The following LIPH variants were observed in gnomAD, a reference collection of about 807,000 sequenced individuals.
LIPH encodes lipase H.
Under a neutral mutation model 47.6 loss-of-function variants are expected in LIPH, and 32 were observed. That is an observed-to-expected ratio of 0.67 (90% CI 0.51 to 0.90). The LOEUF (loss-of-function observed/expected upper bound fraction) is 0.90. LIPH is among the 40% of genes least tolerant of loss of function. The pLI is 0.00. For synonymous variants in LIPH, 190 were observed against 195.6 expected (o/e 0.97, Z 0.24); for missense variants, 497 against 541.4 (o/e 0.92, Z 0.81).
intron 6 of LIPH, 39 bp from the exon 7 acceptor site, chr3:185,517,201 A>G (rs758003889): frequency 9.0e-7 from 1 of 1,112,028 alleles, no homozygotes; most frequent in Non-Finnish European, 1.4e-6. Flanking sequence ...ATTAATATGT[A>G]TTATACAAAC....
At chr3:185,511,762 G>T in intron 8 of LIPH, 65 bp from the exon 9 acceptor site, 2 of 1,140,204 alleles carry the variant, frequency 1.8e-6, no homozygotes, top group Non-Finnish European at 2.7e-6. Context: ...CAGTTTTGAA[G>T]CCTGCAAGTC....
At chr3:185,539,761 A>G (rs1451034070) in intron 1 of LIPH, among the ~76,000 whole-genome samples, 2 of 152,242 alleles carry the variant, frequency 1.3e-5, no homozygotes, top group Admixed American at 1.3e-4. Flanking sequence ...GAGTATATCT[A>G]TTAACATTTA....
At chr3:185,510,580 A>G (rs1032684575) in intron 9 of LIPH, among the ~76,000 whole-genome samples, 2 of 152,210 alleles carry the variant, frequency 1.3e-5, no homozygotes, top group African/African-American at 4.8e-5. Context: ...AAGAAATTCA[A>G]TATAATACTT....
intron 3 of LIPH, among the ~76,000 whole-genome samples, chr3:185,529,193 G>GAAA (rs57278879): frequency 8.6e-6 from 1 of 116,890 alleles, no homozygotes; most frequent in African/African-American, 3.2e-5. Flanking sequence ...AAAAAAAAAA[G>GAAA]AAAAAAAGAA....
intron 1 of LIPH, among the ~76,000 whole-genome samples, chr3:185,537,299 T>G (rs566679628): frequency 3.0e-4 from 45 of 152,086 alleles, no homozygotes; most frequent in Admixed American, 2.9e-3. Context: ...ACTCTAGCTC[T>G]TAAAAAAAAA....
At chr3:185,536,435 A>G (rs372604901) in intron 1 of LIPH, among the ~76,000 whole-genome samples, 2 of 152,172 alleles carry the variant, frequency 1.3e-5, no homozygotes, top group Admixed American at 6.5e-5. Context: ...ACTTCCTCCA[A>G]TAGGAATTCA....
chr3:185,546,835 C>T, intron 1 of LIPH: 2 of 398,156 alleles, frequency 5.0e-6, no homozygotes, highest in South Asian at 3.7e-5. Flanking sequence ...CAAAAAAAGC[C>T]TGTGCTGTCT....
Sources: allele counts gnomAD v4.1 joint callset (sites outside exome capture counted in the v4.1 genomes callset), GRCh38; gene constraint gnomAD v4.1.1; transcripts MANE v1.5; gene names NCBI Gene and HGNC (gene_info 2026-07-23, HGNC 2026-07-21).